Variants in ECPAS observed in about 807,000 individuals in gnomAD.
The protein encoded by ECPAS is proteasome adapter and scaffold protein ECM29.
A neutral mutation model predicts 255.1 loss-of-function variants in ECPAS; 70 were observed. The ratio of observed to expected loss-of-function variants is 0.27; its 90% CI spans 0.23 to 0.33. ECPAS has a LOEUF of 0.33. Among genes scored for constraint, ECPAS ranks in the 10% least tolerant of loss-of-function variants. The pLI is 1.00. For synonymous variants in ECPAS, 784 were observed against 775.0 expected (o/e 1.01, Z -0.19); for missense variants, 1,817 against 2,206.4 (o/e 0.82, Z 3.54).
intron 7 of ECPAS, 134 bp from the exon 8 acceptor site, chr9:111,433,506 C>T: frequency 2.6e-6 from 2 of 783,296 alleles, no homozygotes; most frequent in Middle Eastern, 3.0e-4. Flanking sequence ...CCTACTTAGG[C>T]TTACAATGTG....
intron 2 of ECPAS, among the ~76,000 whole-genome samples, chr9:111,458,277 AG>A (rs1217903806): frequency 6.6e-6 from 1 of 152,190 alleles, no homozygotes; most frequent in African/African-American, 2.4e-5. Flanking sequence ...GAACAGCATA[AG>A]ATTGCTTCAT....
chr9:111,384,606 A>C, intron 33 of ECPAS, 37 bp from the exon 34 acceptor site: 1 of 1,592,568 alleles, frequency 6.3e-7, no homozygotes, highest in African/African-American at 1.3e-5. Context: ...TACAAGTTAG[A>C]GAGTTTCACT....
chr9:111,439,403 G>C (rs1187340593), intron 6 of ECPAS, among the ~76,000 whole-genome samples: 1 of 152,008 alleles, frequency 6.6e-6, no homozygotes, highest in Non-Finnish European at 1.5e-5. Flanking sequence ...CAAGTAGCTG[G>C]GACTATAGGT....
chr9:111,460,241 A>G (rs1159054956), intron 2 of ECPAS, among the ~76,000 whole-genome samples: 3 of 152,226 alleles, frequency 2.0e-5, no homozygotes, highest in Non-Finnish European at 4.4e-5. Flanking sequence ...ATATATACAG[A>G]AAAGGCATTT....
Position 111,444,634 on chromosome 9 carries a change from CA to C in ECPAS, c.154-141del, listed in dbSNP as rs2098250393. The C allele has an allele frequency of 2.4e-5, 15 of 632,320 alleles. No homozygotes were observed. In the South Asian group the frequency reaches 2.8e-4, roughly 12 times the overall value. The allele number at this position is 632,320 out of a possible 1,614,324, so 39.2% of individuals were successfully genotyped here. A position where few individuals can be genotyped will look rare whatever the true frequency, so the allele number is the denominator to read the frequency against. On this transcript the variant is annotated intron_variant, in intron 3 of 49. Transcript: ENST00000684092. ...TTTAAAGGGTATAAATTTTACATCC[CA>C]GAAAGGGAGTATACACTACATGAAT...
chr9:111,445,905 C>G (rs1485875637), intron 3 of ECPAS, among the ~76,000 whole-genome samples: 1 of 152,094 alleles, frequency 6.6e-6, no homozygotes, highest in East Asian at 1.9e-4. Context: ...TCAACTCCCA[C>G]CTATGAGTGA....
chr9:111,439,562 A>G (rs2098242963), intron 6 of ECPAS, among the ~76,000 whole-genome samples: 1 of 151,888 alleles, frequency 6.6e-6, no homozygotes, highest in African/African-American at 2.4e-5. Flanking sequence ...GAGCCACTGC[A>G]CCTGGCCAGG....
intron 2 of ECPAS, among the ~76,000 whole-genome samples, chr9:111,457,787 T>A (rs2098268699): frequency 6.6e-6 from 1 of 152,184 alleles, no homozygotes; most frequent in Middle Eastern, 3.2e-3. Flanking sequence ...GCAGCATTAA[T>A]CCACACAGTC....
intron 3 of ECPAS, among the ~76,000 whole-genome samples, chr9:111,445,207 C>A (rs1316117548): frequency 1.3e-5 from 2 of 151,674 alleles, no homozygotes; most frequent in South Asian, 4.2e-4. Flanking sequence ...GTTGTCCAGG[C>A]TGGTCTCAAA....
intron 10 of ECPAS, among the ~76,000 whole-genome samples, chr9:111,427,060 T>C (rs1351143405): frequency 1.3e-5 from 2 of 150,262 alleles, no homozygotes; most frequent in Non-Finnish European, 3.0e-5. Flanking sequence ...CTCGGGAGGC[T>C]GAGGTGGAAG....
At chr9:111,404,626 G>A (rs1191657372) in intron 24 of ECPAS, among the ~76,000 whole-genome samples, 2 of 148,998 alleles carry the variant, frequency 1.3e-5, no homozygotes, top group Non-Finnish European at 2.9e-5. Context: ...TTCGCCTTCT[G>A]CCAAGATTGT....
At chr9:111,390,336 C>A (rs1416129683) in intron 29 of ECPAS, among the ~76,000 whole-genome samples, 1 of 152,166 alleles carries the variant, frequency 6.6e-6, no homozygotes, top group South Asian at 2.1e-4. Context: ...GACCTAAATG[C>A]ACCTCTAAGT....
chr9:111,410,850 A>C (rs2098192968), intron 22 of ECPAS, 130 bp downstream of exon 22: 1 of 970,418 alleles, frequency 1.0e-6, no homozygotes, highest in East Asian at 2.4e-5. Context: ...TTATTTATCA[A>C]GTAAGTTTTT....
intron 36 of ECPAS, among the ~76,000 whole-genome samples, chr9:111,377,981 C>A (rs978897176): frequency 2.0e-5 from 3 of 151,902 alleles, no homozygotes; most frequent in Non-Finnish European, 4.4e-5. Context: ...CCTGTCTCTA[C>A]TAAAAATACA....
chr9:111,426,370 A>C (rs1199079043), intron 10 of ECPAS, among the ~76,000 whole-genome samples: 2 of 144,290 alleles, frequency 1.4e-5, no homozygotes, highest in Non-Finnish European at 3.1e-5. Context: ...ACTTACACTA[A>C]AAAAAAAAAA....
At chr9:111,450,964 C>G (rs1291913371) in intron 3 of ECPAS, among the ~76,000 whole-genome samples, 2 of 152,126 alleles carry the variant, frequency 1.3e-5, no homozygotes, top group Admixed American at 6.6e-5. Flanking sequence ...TCTGATGTGA[C>G]AGTTATCCAA....
At chr9:111,418,164 A>AT (rs1277840235) in intron 16 of ECPAS, among the ~76,000 whole-genome samples, 158 bp from the exon 17 acceptor site, 2 of 152,258 alleles carry the variant, frequency 1.3e-5, no homozygotes, top group Admixed American at 1.3e-4. Context: ...ATAACACATT[A>AT]TAAGAAATCA....
intron 7 of ECPAS, among the ~76,000 whole-genome samples, chr9:111,435,298 A>G (rs966535928): frequency 2.6e-5 from 4 of 152,236 alleles, no homozygotes; most frequent in Non-Finnish European, 5.9e-5. Context: ...AGTATAAAAC[A>G]AAGAGATATT....
chr9:111,404,471 C>G lies in ECPAS; in HGVS notation c.2652+4100G>C, dbSNP rs1449815499. 1.3e-5 allele frequency among the ~76,000 whole-genome samples: 2 copies of G among 148,950 alleles called. 1 individual carries two copies. The highest frequency in any genetic ancestry group is 2.9e-5 in the Non-Finnish European group (2 of 67,912). On this transcript the variant is annotated intron_variant, in intron 24 of 49. Transcript: ENST00000684092. Reference sequence around the variant, plus strand: ...AAATCTCATGACTGAATCGTAATCCCCAATGTTGGAGGAGAGGCCTGGTGG... The same window carrying G: ...AAATCTCATGACTGAATCGTAATCCGCAATGTTGGAGGAGAGGCCTGGTGG...
Sources: gnomAD v4.1 joint callset for allele counts (sites outside exome capture counted in the v4.1 genomes callset) on GRCh38, gnomAD v4.1.1 for gene constraint, MANE v1.5 for transcripts, NCBI Gene and HGNC (gene_info 2026-07-23, HGNC 2026-07-21) for gene names.